The following EML6 variants were observed in gnomAD, a reference collection of about 807,000 sequenced individuals.
The protein encoded by EML6 is EMAP like 6, also known as echinoderm microtubule-associated protein-like 6.
In EML6, 154 loss-of-function variants were observed where a neutral mutation model predicts 240.1. The observed-to-expected ratio is 0.64, with a 90% CI of 0.56 to 0.73. The LOEUF is 0.73. EML6 is among the 30% of genes least tolerant of loss of function. EML6 has a pLI of 0.00. For synonymous variants in EML6, 1,148 were observed against 899.0 expected (o/e 1.28, Z -4.95); for missense variants, 2,964 against 2,474.6 (o/e 1.20, Z -4.20).
intron 28 of EML6, among the ~76,000 whole-genome samples, chr2:54,947,025 T>C (rs1675727666): frequency 6.6e-6 from 1 of 152,120 alleles, no homozygotes; most frequent in African/African-American, 2.4e-5. Flanking sequence ...CTATATTCAC[T>C]GTATAATATA....
intron 8 of EML6, among the ~76,000 whole-genome samples, chr2:54,846,754 G>T (rs1392126461): frequency 6.6e-6 from 1 of 151,972 alleles, no homozygotes; most frequent in Admixed American, 6.6e-5. Flanking sequence ...AAAGTGCTGG[G>T]ATTATAGGCA....
chr2:54,945,064 C>G (rs941956839), intron 28 of EML6, among the ~76,000 whole-genome samples: 1 of 123,656 alleles, frequency 8.1e-6, no homozygotes, highest in African/African-American at 3.2e-5. Context: ...CCCTCTCTGC[C>G]TCCCCCTTCT....
intron 2 of EML6, among the ~76,000 whole-genome samples, chr2:54,769,436 T>G (rs1311598442): frequency 6.6e-6 from 1 of 152,218 alleles, no homozygotes; most frequent in Non-Finnish European, 1.5e-5. Context: ...TTTTAAAAAT[T>G]GTAGTACAAA....
intron 17 of EML6, chr2:54,882,107 AAATTC>A (rs1671846208): frequency 6.6e-6 from 1 of 152,212 alleles, no homozygotes; most frequent in Non-Finnish European, 1.5e-5. Context: ...GAAACTAGAG[AAATTC>A]AGAATTGGAC....
At chr2:54,790,817 C>G (rs577526351) in intron 2 of EML6, among the ~76,000 whole-genome samples, 6 of 151,516 alleles carry the variant, frequency 4.0e-5, no homozygotes, top group African/African-American at 1.2e-4. Context: ...GCTCCGCCTC[C>G]CAGGTTCACA....
intron 2 of EML6, among the ~76,000 whole-genome samples, chr2:54,807,203 C>T (rs996762881): frequency 6.6e-6 from 1 of 151,932 alleles, no homozygotes; most frequent in Non-Finnish European, 1.5e-5. Context: ...GGAATAAATT[C>T]TTGATTACCA....
chr2:54,931,042 C>T (rs1175708714), intron 28 of EML6, among the ~76,000 whole-genome samples: 3 of 148,244 alleles, frequency 2.0e-5, no homozygotes, highest in Non-Finnish European at 3.0e-5. Flanking sequence ...ACTGCAAGCT[C>T]CGCCTCCCGG....
At chr2:54,764,578 G>A (rs1668107402) in intron 2 of EML6, among the ~76,000 whole-genome samples, 1 of 152,192 alleles carries the variant, frequency 6.6e-6, no homozygotes, top group South Asian at 2.1e-4. Flanking sequence ...TAATTCAGTG[G>A]CTAATGTGAA....
intron 7 of EML6, 149 bp from the exon 8 acceptor site, chr2:54,843,898 T>C: frequency 1.7e-6 from 1 of 598,656 alleles, no homozygotes. Flanking sequence ...ATTCTCTGCC[T>C]CCAAGAGTCT....
chr2:54,908,018 G>C (rs1673440737), intron 24 of EML6, among the ~76,000 whole-genome samples: 1 of 151,588 alleles, frequency 6.6e-6, no homozygotes, highest in African/African-American at 2.4e-5. Context: ...AGCAGGCAGA[G>C]AGAAAAAGGA....
chr2:54,837,836 T>C (rs902808838), intron 7 of EML6, among the ~76,000 whole-genome samples: 1 of 152,184 alleles, frequency 6.6e-6, no homozygotes, highest in African/African-American at 2.4e-5. Context: ...ATCTGTGTCT[T>C]TTAAATGCTC....
chr2:54,965,402 C>A (rs1048438744), intron 38 of EML6, among the ~76,000 whole-genome samples: 4 of 152,218 alleles, frequency 2.6e-5, no homozygotes, highest in African/African-American at 9.6e-5. Context: ...GGTCCCGTAA[C>A]CACCCAAGGG....
At chr2:54,851,627 C>A (rs905911698) in intron 10 of EML6, among the ~76,000 whole-genome samples, 2 of 152,270 alleles carry the variant, frequency 1.3e-5, no homozygotes, top group South Asian at 4.1e-4. Context: ...AATTGTAGAA[C>A]CAACTTTCAG....
intron 7 of EML6, among the ~76,000 whole-genome samples, chr2:54,833,865 C>T (rs1668998681): frequency 6.6e-6 from 1 of 152,150 alleles, no homozygotes; most frequent in Non-Finnish European, 1.5e-5. Flanking sequence ...TTCAGAATAC[C>T]AGAAGATTTT....
At chr2:54,850,260 T>C (rs1201763847) in intron 10 of EML6, 42 bp downstream of exon 10, 1 of 1,528,988 alleles carries the variant, frequency 6.5e-7, no homozygotes, top group Non-Finnish European at 8.9e-7. Context: ...GAAAGCAAAA[T>C]TTTGAACCAG....
intron 26 of EML6, 144 bp from the exon 27 acceptor site, chr2:54,928,169 C>T (rs1189418965): frequency 1.4e-6 from 1 of 700,012 alleles, no homozygotes; most frequent in African/African-American, 1.8e-5. Flanking sequence ...AGTGCCTGCC[C>T]ACATGGAGCT....
intron 12 of EML6, among the ~76,000 whole-genome samples, chr2:54,861,083 A>C (rs561624272): frequency 9.3e-4 from 141 of 152,292 alleles, no homozygotes; most frequent in African/African-American, 3.2e-3. Context: ...ATACACTTCC[A>C]ATGCTACTTG....
intron 16 of EML6, among the ~76,000 whole-genome samples, chr2:54,873,146 C>T (rs1049542183): frequency 1.3e-5 from 2 of 152,196 alleles, no homozygotes; most frequent in African/African-American, 4.8e-5. Flanking sequence ...TTATAAACCA[C>T]GTTTGGGTGA....
chr2:54,734,698 A>C (rs1572836420), intron 2 of EML6, among the ~76,000 whole-genome samples: 1 of 152,214 alleles, frequency 6.6e-6, no homozygotes, highest in Admixed American at 6.5e-5. Flanking sequence ...CTGGTAAAGA[A>C]ATAGTTCCAT....
Sources: allele counts gnomAD v4.1 joint callset (sites outside exome capture counted in the v4.1 genomes callset), GRCh38; gene constraint gnomAD v4.1.1; transcripts MANE v1.5; gene names NCBI Gene and HGNC (gene_info 2026-07-23, HGNC 2026-07-21).